Variants in RAB27B observed in about 807,000 individuals in gnomAD.
RAB27B encodes the protein ras-related protein Rab-27B.
RAB27B carries 15 observed loss-of-function variants against 24.6 expected under a neutral mutation model. The ratio of observed to expected loss-of-function variants is 0.61; its 90% confidence interval spans 0.41 to 0.94. RAB27B has a LOEUF of 0.94. Ranked by LOEUF, RAB27B falls within the 40% of genes least tolerant of loss-of-function variation. The pLI, the probability that RAB27B is intolerant of heterozygous loss-of-function variation, is 0.00. For missense variants in RAB27B, 261 were observed against 266.8 expected (o/e 0.98, Z 0.15); for synonymous variants, 105 against 92.5 (o/e 1.14, Z -0.78).
intron 2 of RAB27B, among the ~76,000 whole-genome samples, chr18:54,772,485 G>A (rs773458755): frequency 1.3e-5 from 2 of 152,172 alleles, no homozygotes; most frequent in Non-Finnish European, 2.9e-5. Flanking sequence ...TATCCATGTT[G>A]ATTGTTCCTA....
chr18:54,737,916 G>C (rs1387922200), intron 2 of RAB27B, among the ~76,000 whole-genome samples: 2 of 152,114 alleles, frequency 1.3e-5, no homozygotes, highest in Non-Finnish European at 2.9e-5. Context: ...AGAGGTGTCA[G>C]ACATACTTCT....
At chr18:54,754,471 T>G (rs1037664128) in intron 2 of RAB27B, among the ~76,000 whole-genome samples, 4 of 152,178 alleles carry the variant, frequency 2.6e-5, no homozygotes, top group Non-Finnish European at 5.9e-5. Context: ...TTGGATCTAG[T>G]GCAGAAAGGA....
At chr18:54,742,669 A>G (rs1366305853) in intron 2 of RAB27B, among the ~76,000 whole-genome samples, 1 of 152,206 alleles carries the variant, frequency 6.6e-6, no homozygotes, top group Non-Finnish European at 1.5e-5. Context: ...GGTGTAAGGC[A>G]GTCTGGCTTC....
At chr18:54,839,347 A>C (rs765099058) in intron 1 of RAB27B, among the ~76,000 whole-genome samples, 1 of 152,184 alleles carries the variant, frequency 6.6e-6, no homozygotes, top group Non-Finnish European at 1.5e-5. Flanking sequence ...TCTTTGGAAT[A>C]AGTTTTTACA....
chr18:54,746,661 C>G (rs1910258659), intron 2 of RAB27B, among the ~76,000 whole-genome samples: 1 of 151,392 alleles, frequency 6.6e-6, no homozygotes, highest in East Asian at 1.9e-4. Flanking sequence ...CTAGTACCTA[C>G]CTGCTGTCCT....
chr18:54,767,594 T>C (rs1171230275), intron 2 of RAB27B, among the ~76,000 whole-genome samples: 5 of 152,222 alleles, frequency 3.3e-5, no homozygotes, highest in East Asian at 1.9e-4. Context: ...GTGTTTTAGA[T>C]GATGATCGTG....
intron 2 of RAB27B, among the ~76,000 whole-genome samples, chr18:54,746,564 T>TAACACTCTTTTCGTCTTTGGAGG (rs1326077725): frequency 2.0e-5 from 3 of 152,204 alleles, no homozygotes; most frequent in African/African-American, 7.2e-5. Flanking sequence ...TTTATGTAGT[T>TAACACTCTTTTCGTCTTTGGAGG]AACACTCTTT....
chr18:54,725,287 C>CT (rs201911014), intron 2 of RAB27B, among the ~76,000 whole-genome samples: 3 of 151,304 alleles, frequency 2.0e-5, no homozygotes, highest in Non-Finnish European at 4.4e-5. Flanking sequence ...AACGTTAGTT[C>CT]TTTTTTTTCT....
intron 2 of RAB27B, among the ~76,000 whole-genome samples, chr18:54,771,769 C>T (rs1568059949): frequency 6.6e-6 from 1 of 152,106 alleles, no homozygotes; most frequent in East Asian, 1.9e-4. Context: ...TATAAAGAAG[C>T]CAGGCTGAGG....
At chr18:54,797,384 G>T (rs140182354) in intron 2 of RAB27B, among the ~76,000 whole-genome samples, 1,723 of 152,238 alleles carry the variant, frequency 0.011, 18 homozygotes, top group Non-Finnish European at 0.019. Flanking sequence ...AAATTAGCCA[G>T]GTGTGGTGGT....
At chr18:54,842,637 A>G (rs1036700023) in intron 1 of RAB27B, among the ~76,000 whole-genome samples, 3 of 152,202 alleles carry the variant, frequency 2.0e-5, no homozygotes, top group Non-Finnish European at 2.9e-5. Context: ...ACTAAAATAA[A>G]TTTTAAGACA....
intron 1 of RAB27B, among the ~76,000 whole-genome samples, chr18:54,858,377 GTTTTTTTTT>G (rs4071703): frequency 7.8e-6 from 1 of 127,852 alleles, no homozygotes; most frequent in Admixed American, 8.0e-5. Context: ...CAGGAAAACT[GTTTTTTTTT>G]TTTTTTTTTT....
intron 1 of RAB27B, among the ~76,000 whole-genome samples, chr18:54,869,435 T>A (rs1186308353): frequency 6.6e-6 from 1 of 152,258 alleles, no homozygotes; most frequent in African/African-American, 2.4e-5. Flanking sequence ...CCATCAAGAA[T>A]GTTCCTTGAG....
intron 2 of RAB27B, among the ~76,000 whole-genome samples, chr18:54,807,145 G>A (rs1015754680): frequency 3.3e-5 from 5 of 152,082 alleles, no homozygotes; most frequent in Admixed American, 6.6e-5. Context: ...GTGATCTGCC[G>A]GCGTTGGCCT....
At chr18:54,825,359 G>A (rs1399915340), upstream of RAB27B, among the ~76,000 whole-genome samples, 3 of 152,142 alleles carry the variant, frequency 2.0e-5, no homozygotes, top group East Asian at 3.9e-4. Flanking sequence ...GATCTCCAAA[G>A]TTCATCATCT....
Position 54,893,134 on chromosome 18 carries a change from T to C in RAB27B, c.*3721T>C, listed in dbSNP as rs1218627321. ...GAGTTAATCATAGTGTATAACCTTG[T>C]GTTCATGAAACAGGTTGTTCATTGT... On this transcript the variant is annotated 3_prime_UTR_variant, in exon 6 of 6. Transcript: ENST00000262094. 6.6e-6 allele frequency: 1 copy of C among 152,066 alleles called. No homozygotes were observed. The highest frequency in any genetic ancestry group is 6.6e-5 in the Admixed American group (1 of 15,246). 9.4% of individuals were successfully genotyped at this position (152,066 alleles called of 1,614,324 possible).
rs1297018505 is a variant in RAB27B at position 54,734,057 on chromosome 18, T to C, written c.-20+15916T>C. 3.3e-5 allele frequency among the ~76,000 whole-genome samples: 5 copies of C among 152,278 alleles called. No individual in the cohort carries two copies. In the South Asian group the frequency reaches 1.0e-3, roughly 32 times the overall value. On this transcript the variant is annotated intron_variant, in intron 2 of 4. Coordinates refer to the RAB27B transcript ENST00000586570. ...GTTAAAGATAGCTTAAGAAGAAAGA[T>C]AGTGGTTCCCTATATACTTACTAAA...
At chr18:54,841,166 G>T (rs1406584223) in intron 1 of RAB27B, among the ~76,000 whole-genome samples, 1 of 114,006 alleles carries the variant, frequency 8.8e-6, no homozygotes, top group Non-Finnish European at 1.9e-5. Context: ...GGGCGGTGGG[G>T]GGTTTGGTGA....
intron 2 of RAB27B, among the ~76,000 whole-genome samples, chr18:54,801,021 T>TTTTG (rs1555657501): frequency 0.058 from 8,421 of 144,796 alleles, 627 homozygotes; most frequent in African/African-American, 0.16. Flanking sequence ...TTTTTTTTTT[T>TTTTG]TTTTTTTTTT....
Sources: gnomAD v4.1 joint callset for allele counts (sites outside exome capture counted in the v4.1 genomes callset) on GRCh38, gnomAD v4.1.1 for gene constraint, MANE v1.5 for transcripts, NCBI Gene and HGNC (gene_info 2026-07-23, HGNC 2026-07-21) for gene names.